The following ITGAX variants were observed in gnomAD, a reference collection of about 807,000 sequenced individuals.
ITGAX encodes the protein integrin alpha-X.
In ITGAX, 99 loss-of-function variants were observed where a neutral mutation model predicts 140.2. That is an observed-to-expected ratio of 0.71 (90% CI 0.60 to 0.83). The LOEUF is 0.83. Among genes scored for constraint, ITGAX ranks in the 40% least tolerant of loss-of-function variants. The pLI, the probability that ITGAX is intolerant of heterozygous loss-of-function variation, is 0.00. For synonymous variants in ITGAX, 631 were observed against 600.4 expected, an observed-to-expected ratio of 1.05 and a Z score of -0.75; for missense variants, 1,444 against 1,482.0, an observed-to-expected ratio of 0.97 and a Z score of 0.42.
At position 31,360,314 on chromosome 16, in the gene ITGAX, C is replaced by G. The variant is rs1288044879; in HGVS notation, c.712C>G (p.Arg238Gly). The change falls in exon 8 of 30, where the codon CGA (arginine) becomes GGA (glycine). Residue 238 changes from arginine (R) to glycine (G), a missense_variant. Transcript: ENST00000268296. ...TATAIQNVVH[R>G]LFHASYGARR... ...AGACCTCTCCTTTCCTGATAGGCAC[C>G]GATTGTTCCATGCCTCATATGGGGC... 1 of 1,609,684 alleles carries G rather than the reference C, an allele frequency of 6.2e-7. No homozygotes were observed. Among genetic ancestry groups the G allele is most frequent in the Non-Finnish European group, 8.5e-7 (1 of 1,177,730 alleles).
chr16:31,364,643 C>T (rs539429899), intron 14 of ITGAX, among the ~76,000 whole-genome samples: 19 of 152,102 alleles, frequency 1.2e-4, no homozygotes, highest in African/African-American at 4.6e-4. Flanking sequence ...TGTGGAGAAC[C>T]GGGCATCCTC....
At position 31,360,308 on chromosome 16, in the gene ITGAX, A is replaced by G. The variant is rs2080809556; in HGVS notation, c.708-2A>G. ...CCTCTAAGACCTCTCCTTTCCTGATAGGCACCGATTGTTCCATGCCTCATA... is the reference window on the plus strand; with the variant it reads ...CCTCTAAGACCTCTCCTTTCCTGATGGGCACCGATTGTTCCATGCCTCATA... On this transcript the variant is annotated splice_acceptor_variant, in intron 7 of 29. Coordinates refer to ENST00000268296, the MANE Select transcript of ITGAX (RefSeq NM_000887.5). LOFTEE classifies it high-confidence loss of function. 1.2e-6 allele frequency: 2 copies of G among 1,606,470 alleles called. No homozygotes were observed. Among genetic ancestry groups the G allele is most frequent in the Non-Finnish European group, 1.7e-6 (2 of 1,176,246 alleles).
At position 31,382,241 on chromosome 16, in the gene ITGAX, TTTC is replaced by T; in HGVS notation, c.*337_*339del. The T allele has an allele frequency of 3.2e-5, 36 of 1,126,142 alleles. No homozygotes were observed. The highest frequency in any genetic ancestry group is 3.7e-5 in the Non-Finnish European group (33 of 885,474). 69.8% of individuals were successfully genotyped at this position (1,126,142 alleles called of 1,614,324 possible). On this transcript the variant is annotated 3_prime_UTR_variant, in exon 30 of 30. Transcript: ENST00000268296. ...TTTCTTTCCTTTCTTTTTTTTTTTT[TTTC>T]TTTTCTTTTTTTTTTTTTTGAGACG...
At chr16:31,363,494 C>A in intron 14 of ITGAX, 120 bp downstream of exon 14, 2 of 1,134,522 alleles carry the variant, frequency 1.8e-6, no homozygotes, top group South Asian at 1.3e-5. Context: ...CTCTGAGCAC[C>A]TTGTAGCAGT....
At chr16:31,380,863 TG>T in intron 28 of ITGAX, 33 bp from the exon 29 acceptor site, 1 of 1,570,654 alleles carries the variant, frequency 6.4e-7, no homozygotes, top group Non-Finnish European at 8.8e-7. Context: ...AGTAGGAGGA[TG>T]GGAGTGCTCT....
chr16:31,358,501 C>A (rs905143665), intron 5 of ITGAX: 1 of 151,954 alleles, frequency 6.6e-6, no homozygotes, highest in Non-Finnish European at 1.5e-5. Flanking sequence ...ACTGGGGAGG[C>A]TGAGGCAGGA....
At chr16:31,364,448 A>AAAAGGGC (rs2080871106) in intron 14 of ITGAX, among the ~76,000 whole-genome samples, 1 of 151,678 alleles carries the variant, frequency 6.6e-6, no homozygotes, top group African/African-American at 2.4e-5. Flanking sequence ...AAAAAAAAAA[A>AAAAGGGC]AAAGGGCAAA....
At position 31,372,483 on chromosome 16, in the gene ITGAX, G is replaced by A. The variant is rs748829143; in HGVS notation, c.2266G>A (p.Asp756Asn). ...AAACCTGCGGCCTATGCTGGCCGCC[G>A]ATGCTCAGAGATACTTCACGGCCTC... The part of the protein sequence containing the change: ...FRNLRPMLAA[D>N]AQRYFTASLP... Residue 756 changes from aspartate (D) to asparagine (N), a missense_variant, in exon 18 of 30, where the codon GAT becomes AAT. Transcript: ENST00000268296. The A allele has an allele frequency of 1.7e-5, 27 of 1,607,250 alleles. No homozygotes were observed. The highest frequency in any genetic ancestry group is 3.5e-5 in the Admixed American group (2 of 56,910).
intron 23 of ITGAX, 54 bp downstream of exon 23, chr16:31,377,319 G>GAAAA: frequency 9.6e-6 from 10 of 1,040,868 alleles, no homozygotes; most frequent in South Asian, 3.1e-5. Context: ...ACCTCAAAAA[G>GAAAA]AAAAAAAAAA....
chr16:31,377,141 C>G, intron 22 of ITGAX, 41 bp from the exon 23 acceptor site: 1 of 1,610,478 alleles, frequency 6.2e-7, no homozygotes, highest in Non-Finnish European at 8.5e-7. Flanking sequence ...CATTCTCCTC[C>G]TCTGGGGCCT....
intron 14 of ITGAX, among the ~76,000 whole-genome samples, chr16:31,366,689 T>C (rs1325238791): frequency 6.6e-6 from 1 of 152,226 alleles, no homozygotes; most frequent in Non-Finnish European, 1.5e-5. Flanking sequence ...CTAATTTTTG[T>C]GTTTTTAGTA....
At chr16:31,355,552 C>G (rs1274223680) in intron 1 of ITGAX, among the ~76,000 whole-genome samples, 1 of 152,190 alleles carries the variant, frequency 6.6e-6, no homozygotes, top group African/African-American at 2.4e-5. Flanking sequence ...TTAAAATAGG[C>G]AGAATGCGCC....
chr16:31,379,455 A>C (rs999595347), intron 23 of ITGAX, 113 bp from the exon 24 acceptor site: 2 of 1,028,176 alleles, frequency 1.9e-6, no homozygotes, highest in Non-Finnish European at 2.9e-6. Flanking sequence ...CACAGCCCTC[A>C]TTCCAGGACA....
At position 31,372,683 on chromosome 16, in the gene ITGAX, AC is replaced by A. The variant is rs1567305124; in HGVS notation, c.2366+15del. 2 of 1,611,134 alleles carry A rather than the reference AC, an allele frequency of 1.2e-6. No homozygotes were observed. The highest frequency in any genetic ancestry group is 3.4e-4 in the Middle Eastern group (2 of 5,934). ...TCAGCTTCCCAGGGTGAGCGCCCCC[AC>A]CTTAGACCTGCCCTACTGCCCCAGC... On this transcript the variant is annotated intron_variant, in intron 19 of 29. Coordinates refer to ENST00000268296, the MANE Select transcript of ITGAX (RefSeq NM_000887.5).
rs759429758 is a variant in ITGAX, at chr16:31,363,251, G to A, written c.1587G>A (p.Gly529=). 4 of 1,613,730 alleles carry A rather than the reference G, an allele frequency of 2.5e-6. No homozygotes were observed. The highest frequency in any genetic ancestry group is 3.4e-6 in the Non-Finnish European group (4 of 1,179,884). ...TTGGGGCGGCTCTGACAGTGCTGGG[G>A]GATGTGAATGGGGACAAGCTGACAG... The part of the protein sequence containing the change: ...GRFGAALTVL[G]DVNGDKLTDV... The change falls in exon 14 of 30, where the codon GGG becomes GGA. Residue 529 remains glycine (G), a synonymous_variant. Transcript: ENST00000268296.
chr16:31,363,031 C>A lies in ITGAX; in HGVS notation c.1456C>A (p.Gln486Lys), dbSNP rs1187107364. 6.2e-7 allele frequency: 1 copy of A among 1,610,382 alleles called. No individual in the cohort carries two copies. Among genetic ancestry groups the A allele is most frequent in the Non-Finnish European group, 8.5e-7 (1 of 1,179,514 alleles). Residue 486 changes from glutamine (Q) to lysine (K), a missense_variant, in exon 13 of 30, where the codon CAG (glutamine) becomes AAG (lysine). Physicochemically the swap from Gln to Lys is moderately conservative, Grantham distance 53. Coordinates refer to ENST00000268296, the MANE Select transcript of ITGAX (RefSeq NM_000887.5). ...CATCGGGGCCCCCCATTACTACGAGCAGACCCGAGGGGGCCAGGTGTCTGT... is the reference window on the plus strand; with the variant it reads ...CATCGGGGCCCCCCATTACTACGAGAAGACCCGAGGGGGCCAGGTGTCTGT... Reference protein sequence around the residue: ...VLIGAPHYYEQTRGGQVSVCP... With the variant: ...VLIGAPHYYEKTRGGQVSVCP...
chr16:31,378,951 G>A (rs915305403), intron 23 of ITGAX, among the ~76,000 whole-genome samples: 2 of 152,044 alleles, frequency 1.3e-5, no homozygotes, highest in African/African-American at 4.8e-5. Context: ...AAGTAGCTGG[G>A]ATTACAGGCA....
At chr16:31,365,474 T>C (rs905062331) in intron 14 of ITGAX, among the ~76,000 whole-genome samples, 3 of 152,236 alleles carry the variant, frequency 2.0e-5, no homozygotes, top group Admixed American at 2.0e-4. Context: ...ACTCACCCTC[T>C]CTGTGCTCAG....
At chr16:31,368,947 C>T (rs2080922048) in intron 14 of ITGAX, among the ~76,000 whole-genome samples, 1 of 152,180 alleles carries the variant, frequency 6.6e-6, no homozygotes, top group African/African-American at 2.4e-5. Context: ...TCAAGAGGAT[C>T]CCAAGGCAGA....
Sources: gnomAD v4.1 joint callset for allele counts (sites outside exome capture counted in the v4.1 genomes callset) on GRCh38, gnomAD v4.1.1 for gene constraint, MANE v1.5 for transcripts, NCBI Gene and HGNC (gene_info 2026-07-23, HGNC 2026-07-21) for gene names.